The following CHLSN variants were observed in gnomAD, a reference collection of about 807,000 sequenced individuals.
CHLSN encodes the protein protein cholesin.
chr7:1,121,521 A>G, the CHLSN span, among the ~76,000 whole-genome samples: 1 of 152,236 alleles, frequency 6.6e-6, no homozygotes, highest in Non-Finnish European at 1.5e-5. Context: ...TGCGGTCTTC[A>G]TGCTCTAGTA....
the CHLSN span, chr7:1,092,314 G>A: frequency 3.1e-6 from 5 of 1,611,760 alleles, no homozygotes; most frequent in East Asian, 2.2e-5. Flanking sequence ...CTTCACCGCC[G>A]TGCACCTGCA....
At chr7:1,090,330 C>A in the CHLSN span, among the ~76,000 whole-genome samples, 1 of 152,232 alleles carries the variant, frequency 6.6e-6, no homozygotes, top group Non-Finnish European at 1.5e-5. Context: ...CAGGCTGAGA[C>A]CCCCGTGGCC....
chr7:1,108,956 C>G, the CHLSN span, among the ~76,000 whole-genome samples: 4,887 of 145,356 alleles, frequency 0.034, 267 homozygotes, highest in African/African-American at 0.12. Flanking sequence ...GAGTGCAGTG[C>G]TGCAAACTCG....
the CHLSN span, among the ~76,000 whole-genome samples, chr7:1,041,200 C>A: frequency 1.5e-5 from 2 of 137,294 alleles, no homozygotes; most frequent in Non-Finnish European, 3.4e-5. Flanking sequence ...ACTTGGGCTC[C>A]GCACTGCAGG....
chr7:1,058,917 A>G, the CHLSN span: 1 of 198,444 alleles, frequency 5.0e-6, no homozygotes, highest in East Asian at 1.4e-4. Flanking sequence ...GAAAAATGAC[A>G]AATAGTAAAA....
the CHLSN span, among the ~76,000 whole-genome samples, chr7:1,012,212 C>T: frequency 6.6e-6 from 1 of 152,372 alleles, no homozygotes; most frequent in African/African-American, 2.4e-5. Flanking sequence ...CAGGGGCCGC[C>T]GCGGTGGCCG....
chr7:1,080,422 A>G, the CHLSN span, among the ~76,000 whole-genome samples: 1 of 152,164 alleles, frequency 6.6e-6, no homozygotes, highest in South Asian at 2.1e-4. Context: ...AGGCACGGGG[A>G]CAGCCAGGCT....
the CHLSN span, among the ~76,000 whole-genome samples, chr7:1,064,882 G>A: frequency 5.9e-5 from 9 of 152,336 alleles, no homozygotes; most frequent in Admixed American, 4.6e-4. Flanking sequence ...GCCCCAGGAG[G>A]GAGGGTGGGA....
At chr7:1,009,301 AC>A in the CHLSN span, among the ~76,000 whole-genome samples, 2 of 151,818 alleles carry the variant, frequency 1.3e-5, no homozygotes, top group Non-Finnish European at 2.9e-5. Context: ...ACGCCGTGAC[AC>A]CCCTTATTCT....
At chr7:1,135,962 T>C in the CHLSN span, among the ~76,000 whole-genome samples, 1 of 127,476 alleles carries the variant, frequency 7.8e-6, no homozygotes, top group South Asian at 2.2e-4. Context: ...TATATAAATA[T>C]ATATAAGTAT....
chr7:1,131,714 T>G, the CHLSN span, among the ~76,000 whole-genome samples: 1 of 152,174 alleles, frequency 6.6e-6, no homozygotes, highest in Non-Finnish European at 1.5e-5. Flanking sequence ...CAGCAAATAT[T>G]TACACACCCA....
the CHLSN span, among the ~76,000 whole-genome samples, chr7:1,085,931 G>T: frequency 6.6e-6 from 1 of 152,166 alleles, no homozygotes; most frequent in Non-Finnish European, 1.5e-5. Context: ...GTATTAAGTA[G>T]GTCTTGGAGA....
the CHLSN span, among the ~76,000 whole-genome samples, chr7:1,109,141 C>G: frequency 6.6e-6 from 1 of 152,128 alleles, no homozygotes; most frequent in East Asian, 1.9e-4. Context: ...AGGTGATCCA[C>G]CCGCCACAGC....
chr7:1,119,643 G>A, the CHLSN span, among the ~76,000 whole-genome samples: 5 of 152,180 alleles, frequency 3.3e-5, no homozygotes, highest in Admixed American at 3.3e-4. Context: ...TTGGGAGGCC[G>A]AGGCAGGCTG....
chr7:1,115,824 A>G, the CHLSN span, among the ~76,000 whole-genome samples: 1 of 110,606 alleles, frequency 9.0e-6, no homozygotes, highest in Non-Finnish European at 1.9e-5. Flanking sequence ...CTACAGCTCT[A>G]GGGATGGCTT....
the CHLSN span, chr7:986,590 G>A: frequency 8.7e-6 from 14 of 1,610,096 alleles, no homozygotes; most frequent in East Asian, 4.5e-5. Context: ...CTGGGGCTGC[G>A]TCCTTATCTC....
the CHLSN span, among the ~76,000 whole-genome samples, chr7:1,046,644 A>G: frequency 6.6e-6 from 1 of 152,278 alleles, no homozygotes; most frequent in Non-Finnish European, 1.5e-5. Flanking sequence ...GTTTCTTAGG[A>G]GCGTGCTGTC....
chr7:1,053,961 G>A, the CHLSN span, among the ~76,000 whole-genome samples: 17 of 152,308 alleles, frequency 1.1e-4, no homozygotes, highest in Admixed American at 3.9e-4. Context: ...TTCCTACCAC[G>A]AGCCAGAGAG....
At chr7:1,095,000 A>G in the CHLSN span, among the ~76,000 whole-genome samples, 1 of 152,118 alleles carries the variant, frequency 6.6e-6, no homozygotes, top group Non-Finnish European at 1.5e-5. Context: ...GTGGAAGTGG[A>G]GATTGCTGTG....
Sources: gnomAD v4.1 joint callset for allele counts (sites outside exome capture counted in the v4.1 genomes callset) on GRCh38, gnomAD v4.1.1 for gene constraint, MANE v1.5 for transcripts, NCBI Gene and HGNC (gene_info 2026-07-23, HGNC 2026-07-21) for gene names.